Variants in HTR1F observed in about 807,000 individuals in gnomAD.
HTR1F encodes the protein 5-hydroxytryptamine receptor 1F.
HTR1F carries 17 observed loss-of-function variants against 24.0 expected under a neutral mutation model. The ratio of observed to expected loss-of-function variants is 0.71; its 90% confidence interval spans 0.48 to 1.06. The LOEUF (loss-of-function observed/expected upper bound fraction) is 1.06, where lower values mean the gene tolerates loss of function less well. Ranked by LOEUF, HTR1F falls within the 50% of genes least tolerant of loss-of-function variation. The probability of loss-of-function intolerance (pLI) is 0.00; values close to 1 mark genes in which losing one functional copy is unlikely to be tolerated. For missense variants in HTR1F, 391 were observed against 427.8 expected, an observed-to-expected ratio of 0.91 and a Z score of 0.76; for synonymous variants, 186 against 156.8, an observed-to-expected ratio of 1.19 and a Z score of -1.39.
intron 2 of HTR1F, among the ~76,000 whole-genome samples, chr3:87,871,749 G>A (rs1705563251): frequency 6.6e-6 from 1 of 152,086 alleles, no homozygotes; most frequent in Non-Finnish European, 1.5e-5. Context: ...CCAGAAGGGA[G>A]CACCCAAATA....
At chr3:87,931,438 C>A (rs1004526590) in intron 2 of HTR1F, among the ~76,000 whole-genome samples, 1 of 152,064 alleles carries the variant, frequency 6.6e-6, no homozygotes, top group Non-Finnish European at 1.5e-5. Flanking sequence ...TTTCTTAATC[C>A]AGTCTATCAT....
chr3:87,932,710 A>C (rs1259356316), intron 2 of HTR1F, among the ~76,000 whole-genome samples: 3 of 151,892 alleles, frequency 2.0e-5, no homozygotes, highest in African/African-American at 4.8e-5. Flanking sequence ...GGCAATAATC[A>C]ATAGCTTACC....
chr3:87,864,928 A>AAAAGC (rs1258050459), intron 2 of HTR1F, among the ~76,000 whole-genome samples: 5 of 147,206 alleles, frequency 3.4e-5, no homozygotes, highest in Middle Eastern at 3.2e-3. Flanking sequence ...AAAAGAAAAG[A>AAAAGC]AAAGCAATAT....
intron 1 of HTR1F, among the ~76,000 whole-genome samples, chr3:87,820,082 G>A (rs1228882050): frequency 6.6e-6 from 1 of 151,326 alleles, no homozygotes; most frequent in Non-Finnish European, 1.5e-5. Flanking sequence ...TAATAATAAT[G>A]AACAAGTCTA....
At chr3:87,879,384 TG>T (rs1244074177) in intron 2 of HTR1F, among the ~76,000 whole-genome samples, 59 of 152,240 alleles carry the variant, frequency 3.9e-4, no homozygotes, top group African/African-American at 1.2e-3. Flanking sequence ...ATGTCATTAA[TG>T]TTTTTTTACT....
chr3:87,907,130 T>G (rs7646120), intron 2 of HTR1F, among the ~76,000 whole-genome samples: 29,596 of 151,920 alleles, frequency 0.19, 3,354 homozygotes, highest in African/African-American at 0.32. Flanking sequence ...TCATAGTGGT[T>G]GTACTAGTTT....
intron 2 of HTR1F, among the ~76,000 whole-genome samples, chr3:87,833,683 A>C (rs1485553799): frequency 1.3e-5 from 2 of 151,996 alleles, no homozygotes; most frequent in African/African-American, 4.8e-5. Context: ...CTAGGGTTTC[A>C]CTATATTGCC....
intron 2 of HTR1F, among the ~76,000 whole-genome samples, chr3:87,835,897 G>A (rs569103379): frequency 2.0e-5 from 3 of 152,136 alleles, no homozygotes; most frequent in Non-Finnish European, 4.4e-5. Flanking sequence ...AGGAACTTTT[G>A]TTGGGGCATT....
intron 2 of HTR1F, among the ~76,000 whole-genome samples, chr3:87,935,727 T>C (rs576889796): frequency 6.6e-6 from 1 of 152,332 alleles, no homozygotes; most frequent in African/African-American, 2.4e-5. Context: ...CATAAAATTA[T>C]GAGAGGTTTT....
In HTR1F at chr3:87,991,542, G is replaced by C. The variant is rs376368065; in HGVS notation, c.793G>C (p.Val265Leu). ...AGACTTTGATAAAATTCATAGCACA[G>C]TGAGAAGTCTCAGGTCTGAATTCAA... ...STDFDKIHST[V>L]RSLRSEFKHE... The change falls in exon 3 of 3, where the codon GTG becomes CTG. Residue 265 changes from valine (V) to leucine (L), a missense_variant. Coordinates refer to ENST00000319595, the MANE Select transcript of HTR1F (RefSeq NM_001322209.2). 10 of 1,613,254 alleles carry C rather than the reference G, an allele frequency of 6.2e-6. No homozygotes were observed. Among genetic ancestry groups the C allele is most frequent in the African/African-American group, 5.3e-5 (4 of 74,928 alleles).
At chr3:87,900,597 G>T (rs1443061484) in intron 2 of HTR1F, among the ~76,000 whole-genome samples, 1 of 152,168 alleles carries the variant, frequency 6.6e-6, no homozygotes, top group Non-Finnish European at 1.5e-5. Context: ...ACATAAGCCT[G>T]GGTGCAAGAG....
At chr3:87,937,341 A>G (rs59341982) in intron 2 of HTR1F, among the ~76,000 whole-genome samples, 4,886 of 152,118 alleles carry the variant, frequency 0.032, 242 homozygotes, top group African/African-American at 0.11. Context: ...AATATGATCC[A>G]TTAGGTAAAC....
chr3:87,916,418 C>T (rs1314561310), intron 2 of HTR1F, among the ~76,000 whole-genome samples: 1 of 151,496 alleles, frequency 6.6e-6, no homozygotes, highest in East Asian at 1.9e-4. Flanking sequence ...AAAGACTCCT[C>T]TTAAAAGATA....
intron 2 of HTR1F, among the ~76,000 whole-genome samples, chr3:87,925,745 T>A (rs1014120877): frequency 6.6e-6 from 1 of 152,148 alleles, no homozygotes; most frequent in Non-Finnish European, 1.5e-5. Flanking sequence ...TGTGATCTTT[T>A]TCTGTAGCTA....
rs150468427 is a variant in HTR1F, at chr3:87,872,768, C to G, written c.-43+50644C>G. Among the ~76,000 whole-genome samples the G allele has an allele frequency of 4.2e-3, 635 of 151,940 alleles. 9 individuals are homozygous for G. The highest frequency in any genetic ancestry group is 7.2e-3 in the East Asian group (37 of 5,172). ...TGAATAAATAGAAAATTTGAATAGA[C>G]CTATGATTATTAAGATTAAATCAGT... On this transcript the variant is annotated intron_variant, in intron 2 of 2. Coordinates refer to ENST00000319595, the MANE Select transcript of HTR1F (RefSeq NM_001322209.2).
intron 2 of HTR1F, among the ~76,000 whole-genome samples, chr3:87,873,467 A>T (rs935542145): frequency 1.3e-5 from 2 of 152,186 alleles, no homozygotes; most frequent in African/African-American, 4.8e-5. Context: ...TTTTTCTTCT[A>T]TTCAAGATAT....
At chr3:87,973,358 A>G (rs769236200) in intron 2 of HTR1F, among the ~76,000 whole-genome samples, 7 of 152,142 alleles carry the variant, frequency 4.6e-5, no homozygotes. Context: ...TCCTGGTATT[A>G]TAACTTTGCA....
intron 2 of HTR1F, among the ~76,000 whole-genome samples, chr3:87,833,649 A>AT (rs895822050): frequency 7.9e-5 from 12 of 152,082 alleles, no homozygotes; most frequent in African/African-American, 2.9e-4. Context: ...CACCTGGCTA[A>AT]TTTTTTTAAA....
chr3:87,894,810 T>A (rs1238507065), intron 2 of HTR1F, among the ~76,000 whole-genome samples: 1 of 152,002 alleles, frequency 6.6e-6, no homozygotes, highest in Non-Finnish European at 1.5e-5. Flanking sequence ...TTAAGAGAGT[T>A]AATATGCTGA....
Sources: gnomAD v4.1 joint callset for allele counts (sites outside exome capture counted in the v4.1 genomes callset) on GRCh38, gnomAD v4.1.1 for gene constraint, MANE v1.5 for transcripts, NCBI Gene and HGNC (gene_info 2026-07-23, HGNC 2026-07-21) for gene names.